DPYS: variants seen among roughly 807,000 people sequenced by gnomAD.
DPYS encodes dihydropyrimidine amidohydrolase.
A neutral mutation model predicts 50.3 loss-of-function variants in DPYS; 39 were observed. The observed-to-expected ratio is 0.78, with a 90% CI of 0.60 to 1.01. The LOEUF is 1.01. Ranked by LOEUF, DPYS falls within the 50% of genes least tolerant of loss-of-function variation. The pLI is 0.00. For synonymous variants in DPYS, 245 were observed against 250.7 expected, an observed-to-expected ratio of 0.98 and a Z score of 0.22; for missense variants, 659 against 680.9, an observed-to-expected ratio of 0.97 and a Z score of 0.36.
intron 2 of DPYS, among the ~76,000 whole-genome samples, chr8:104,448,556 T>C (rs1425293980): frequency 6.6e-6 from 1 of 152,140 alleles, no homozygotes; most frequent in East Asian, 1.9e-4. Context: ...TTTGAACTTC[T>C]ATATGTTAAA....
intron 7 of DPYS, among the ~76,000 whole-genome samples, chr8:104,397,393 T>A (rs749078040): frequency 2.3e-4 from 35 of 152,202 alleles, no homozygotes; most frequent in Non-Finnish European, 4.3e-4. Context: ...GATGATCAAA[T>A]TAAAAGATTG....
intron 1 of DPYS, among the ~76,000 whole-genome samples, chr8:104,463,172 GTATAA>G (rs1387123127): frequency 6.6e-6 from 1 of 152,168 alleles, no homozygotes; most frequent in African/African-American, 2.4e-5. Flanking sequence ...TTTCCTGAAA[GTATAA>G]TATATCATTT....
At position 104,428,075 on chromosome 8, in the gene DPYS, A is replaced by T; in HGVS notation, c.997T>A (p.Cys333Ser). 6.2e-7 allele frequency: 1 copy of T among 1,614,240 alleles called. No homozygotes were observed. The highest frequency in any genetic ancestry group is 8.5e-7 in the Non-Finnish European group (1 of 1,180,040). Residue 333 changes from cysteine to serine, a missense_variant, in exon 6 of 10, where the codon TGC becomes AGC. Coordinates refer to ENST00000351513, the MANE Select transcript of DPYS (RefSeq NM_001385.3). ...TCATCCTTCCCAAGAGCTTTCTGGCAGGTGTTGAAAGTGCAGTTATCAGTC... is the reference window on the plus strand; with the variant it reads ...TCATCCTTCCCAAGAGCTTTCTGGCTGGTGTTGAAAGTGCAGTTATCAGTC... ...TGTDNCTFNT[C>S]QKALGKDDFT... is the part of the protein sequence containing the mutation.
At chr8:104,411,371 C>T (rs539138412) in intron 7 of DPYS, among the ~76,000 whole-genome samples, 1 of 152,276 alleles carries the variant, frequency 6.6e-6, no homozygotes, top group East Asian at 1.9e-4. Context: ...GGGTAAATTG[C>T]CTTCTCATTA....
intron 4 of DPYS, among the ~76,000 whole-genome samples, chr8:104,436,436 C>G (rs1282865605): frequency 6.6e-6 from 1 of 152,096 alleles, no homozygotes; most frequent in Non-Finnish European, 1.5e-5. Context: ...ATGGCGAAAC[C>G]CTGTCTCTAC....
At chr8:104,453,761 T>C (rs1813835220) in intron 1 of DPYS, among the ~76,000 whole-genome samples, 1 of 152,222 alleles carries the variant, frequency 6.6e-6, no homozygotes, top group South Asian at 2.1e-4. Context: ...AGCAGCATGA[T>C]CCATGGTAGC....
At chr8:104,399,866 C>CAAAAAAA (rs57562204) in intron 7 of DPYS, among the ~76,000 whole-genome samples, 19 of 52,450 alleles carry the variant, frequency 3.6e-4, no homozygotes, top group African/African-American at 4.3e-4. Flanking sequence ...GACTCCGTCT[C>CAAAAAAA]AAAAAAAAAA....
At chr8:104,445,613 G>A (rs556046351) in intron 3 of DPYS, among the ~76,000 whole-genome samples, 1 of 152,068 alleles carries the variant, frequency 6.6e-6, no homozygotes, top group Non-Finnish European at 1.5e-5. Flanking sequence ...ATGGTTACTA[G>A]AGGCTGGGAA....
chr8:104,412,202 GGCAGATTT>G (rs1812205704), intron 7 of DPYS, among the ~76,000 whole-genome samples: 1 of 152,142 alleles, frequency 6.6e-6, no homozygotes, highest in African/African-American at 2.4e-5. Flanking sequence ...CAGGAGCGTT[GGCAGATTT>G]GCAGGGATGC....
intron 3 of DPYS, among the ~76,000 whole-genome samples, 167 bp from the exon 4 acceptor site, chr8:104,444,604 C>A (rs1363337199): frequency 6.6e-6 from 1 of 151,846 alleles, no homozygotes; most frequent in African/African-American, 2.4e-5. Context: ...GTAAATATAT[C>A]TATAACACAT....
chr8:104,446,355 C>T (rs1380912828), intron 3 of DPYS, among the ~76,000 whole-genome samples: 2 of 152,150 alleles, frequency 1.3e-5, no homozygotes, highest in African/African-American at 4.8e-5. Flanking sequence ...TTGATTCAGA[C>T]AAACAAAATA....
intron 2 of DPYS, among the ~76,000 whole-genome samples, chr8:104,448,895 C>T (rs1310845051): frequency 2.0e-5 from 3 of 152,292 alleles, no homozygotes; most frequent in East Asian, 1.9e-4. Context: ...GCTTATCACC[C>T]GGCATAGCAG....
At chr8:104,384,194 A>G (rs1201696944) in intron 8 of DPYS, among the ~76,000 whole-genome samples, 2 of 152,176 alleles carry the variant, frequency 1.3e-5, no homozygotes, top group African/African-American at 4.8e-5. Flanking sequence ...CTCACTCTCC[A>G]CAGTCTTTCC....
intron 1 of DPYS, among the ~76,000 whole-genome samples, chr8:104,460,276 G>C (rs745822118): frequency 2.6e-5 from 4 of 152,120 alleles, no homozygotes; most frequent in Non-Finnish European, 5.9e-5. Context: ...GACCATGTGG[G>C]AGGTGATTGA....
chr8:104,417,523 T>A (rs1812407196), intron 7 of DPYS, among the ~76,000 whole-genome samples: 2 of 152,318 alleles, frequency 1.3e-5, no homozygotes, highest in South Asian at 4.1e-4. Context: ...TGACTCTAAG[T>A]ACCAAGATCT....
intron 7 of DPYS, among the ~76,000 whole-genome samples, chr8:104,415,428 T>C (rs959188076): frequency 6.6e-6 from 1 of 152,322 alleles, no homozygotes; most frequent in Admixed American, 6.5e-5. Flanking sequence ...AATGCAGTTA[T>C]TAGTAGTAAA....
chr8:104,390,463 A>T (rs1157832700), intron 8 of DPYS, among the ~76,000 whole-genome samples: 4 of 151,800 alleles, frequency 2.6e-5, no homozygotes, highest in Non-Finnish European at 5.9e-5. Flanking sequence ...GACTTGGACA[A>T]ATTTCTTAAT....
chr8:104,406,210 G>A (rs1811991200), intron 7 of DPYS, among the ~76,000 whole-genome samples: 1 of 152,124 alleles, frequency 6.6e-6, no homozygotes, highest in African/African-American at 2.4e-5. Flanking sequence ...TCTAGATACT[G>A]CAGTCAACCA....
At position 104,428,249 on chromosome 8, in the gene DPYS, A is replaced by C. The variant is rs868159340; in HGVS notation, c.951-128T>G. 3.5e-5 allele frequency: 44 copies of C among 1,260,818 alleles called. No homozygotes were observed. The Admixed American group carries it at 7.7e-4, about 22-fold the overall frequency. 78.1% of individuals were successfully genotyped at this position (1,260,818 alleles called of 1,614,324 possible). ...AGTCAGAAAAATCCAATGGAGAATG[A>C]GCAGTTTTTTCAAGAACATATTTCA... On this transcript the variant is annotated intron_variant, in intron 5 of 9. Transcript: ENST00000351513.
Sources: gnomAD v4.1 joint callset for allele counts (sites outside exome capture counted in the v4.1 genomes callset) on GRCh38, gnomAD v4.1.1 for gene constraint, MANE v1.5 for transcripts, NCBI Gene and HGNC (gene_info 2026-07-23, HGNC 2026-07-21) for gene names.